The following SERPINB1 variants were observed in gnomAD, a reference collection of about 807,000 sequenced individuals.
SERPINB1 encodes leukocyte elastase inhibitor.
SERPINB1 carries 23 observed loss-of-function variants against 25.9 expected under a neutral mutation model. The observed-to-expected ratio is 0.89, with a 90% CI of 0.64 to 1.26. SERPINB1 has a LOEUF of 1.26. Among genes scored for constraint, SERPINB1 ranks in the 50% most tolerant of loss-of-function variants. The pLI is 0.00. For missense variants in SERPINB1, 399 were observed against 463.6 expected (o/e 0.86, Z 1.28); for synonymous variants, 178 against 178.7 (o/e 1.00, Z 0.03).
chr6:2,833,494 A>T lies in SERPINB1; in HGVS notation c.*114T>A. On this transcript the variant is annotated 3_prime_UTR_variant, in exon 7 of 7. Coordinates refer to ENST00000380739, the MANE Select transcript of SERPINB1 (RefSeq NM_030666.4). ...GCCAAACTTACAAAGAAAATGAAAG[A>T]CTTGTTTCTGAACAGTGGTTTTATT... 9.8e-7 allele frequency: 1 copy of T among 1,020,984 alleles called. No homozygotes were observed. The highest frequency in any genetic ancestry group is 1.4e-6 in the Non-Finnish European group (1 of 735,124). 63.2% of individuals were successfully genotyped at this position (1,020,984 alleles called of 1,614,324 possible).
rs1260980294 is a variant in SERPINB1, at chr6:2,833,949, T to C, written c.799A>G (p.Ile267Val). The change falls in exon 7 of 7, where the codon ATT becomes GTT. Residue 267 changes from isoleucine to valine, a missense_variant. Physicochemically the swap from Ile to Val is conservative, Grantham distance 29. Coordinates refer to ENST00000380739, the MANE Select transcript of SERPINB1 (RefSeq NM_030666.4). ...EWTKPENLDF[I>V]EVNVSLPRFK... Reference sequence around the variant, plus strand: ...CTGGGCAAGCTGACATTAACTTCAATGAAATCGAGATTCTCAGGTTTAGTC... The same window carrying C: ...CTGGGCAAGCTGACATTAACTTCAACGAAATCGAGATTCTCAGGTTTAGTC... The C allele has an allele frequency of 6.2e-7, 1 of 1,613,690 alleles. No individual in the cohort carries two copies. The highest frequency in any genetic ancestry group is 1.3e-5 in the African/African-American group (1 of 74,894).
chr6:2,834,843 C>G (rs954705503), intron 6 of SERPINB1, among the ~76,000 whole-genome samples: 3 of 152,094 alleles, frequency 2.0e-5, no homozygotes, highest in African/African-American at 4.8e-5. Flanking sequence ...TTGTTGAGAG[C>G]ATTAAATGAA....
Position 2,837,894 on chromosome 6 carries a change from C to T in SERPINB1, c.412G>A (p.Gly138Arg), listed in dbSNP as rs1444883922. The change falls in exon 4 of 7, where the codon GGA (glycine) becomes AGA (arginine). Residue 138 changes from glycine to arginine, a missense_variant. By Grantham distance (125) the Gly-to-Arg change is moderately radical. Transcript: ENST00000380739. The surrounding 1 kb of genome is among the most constrained non-coding windows in gnomAD (Gnocchi z 4.3). ...ARKTINQWVKGQTEGKIPELL... is the reference protein window; with the variant it reads ...ARKTINQWVKRQTEGKIPELL... ...CCCAGGCTCTCACCTTCTGTCTGTCCTTTGACCCACTGGTTTATGGTCTTC... is the reference window on the plus strand; with the variant it reads ...CCCAGGCTCTCACCTTCTGTCTGTCTTTTGACCCACTGGTTTATGGTCTTC... The T allele has an allele frequency of 2.5e-6, 4 of 1,612,994 alleles. No homozygotes were observed. The Admixed American group carries it at 5.0e-5, about 20-fold the overall frequency.
intron 3 of SERPINB1, 130 bp from the exon 4 acceptor site, chr6:2,838,129 C>CTCT: frequency 3.1e-6 from 2 of 644,852 alleles, no homozygotes; most frequent in South Asian, 4.2e-5. Flanking sequence ...AAATTTCTAA[C>CTCT]TCTTATAGTT....
rs746571131 is a variant in SERPINB1 at position 2,833,661 on chromosome 6, G to C, written c.1087C>G (p.Arg363Gly). ...AGGATGCTACCTGAGGAATTATGCC[G>C]AATAAAGAAAAGGAATGGATGGTCG... is the stretch of plus-strand genomic sequence containing the variant. Reference protein sequence around the residue: ...TADHPFLFFIRHNSSGSILFL... With the variant: ...TADHPFLFFIGHNSSGSILFL... Residue 363 changes from arginine (R) to glycine (G), a missense_variant, in exon 7 of 7, where the codon CGG becomes GGG. Arg to Gly is a moderately radical substitution (Grantham distance 125). Coordinates refer to ENST00000380739, the MANE Select transcript of SERPINB1 (RefSeq NM_030666.4). The C allele has an allele frequency of 6.2e-7, 1 of 1,614,110 alleles. No homozygotes were observed. The highest frequency in any genetic ancestry group is 1.1e-5 in the South Asian group (1 of 91,082).
Position 2,833,719 on chromosome 6 carries a change from G to C in SERPINB1, c.1029C>G (p.Phe343Leu). Reference protein sequence around the residue: ...AAAATAGIATFCMLMPEENFT... With the variant: ...AAAATAGIATLCMLMPEENFT... ...AATTTTCTTCGGGCATCAACATGCA[G>C]AAAGTTGCGATGCCTGCTGTGGCAG... Residue 343 changes from phenylalanine to leucine, a missense_variant, in exon 7 of 7, where the codon TTC becomes TTG. By Grantham distance (22) the Phe-to-Leu change is conservative (BLOSUM62 0). Coordinates refer to ENST00000380739, the MANE Select transcript of SERPINB1 (RefSeq NM_030666.4). 1 of 1,614,228 alleles carries C rather than the reference G, an allele frequency of 6.2e-7. No homozygotes were observed. Among genetic ancestry groups the C allele is most frequent in the Non-Finnish European group, 8.5e-7 (1 of 1,180,042 alleles).
chr6:2,838,247 T>C (rs1446660777), intron 3 of SERPINB1, among the ~76,000 whole-genome samples: 3 of 152,224 alleles, frequency 2.0e-5, no homozygotes, highest in African/African-American at 4.8e-5. Context: ...TGTTGTTATA[T>C]AGAAATTACC....
At chr6:2,835,207 G>A (rs929176678) in intron 6 of SERPINB1, among the ~76,000 whole-genome samples, 8 of 152,192 alleles carry the variant, frequency 5.3e-5, no homozygotes, top group Admixed American at 3.9e-4. Flanking sequence ...GAAACCTCAT[G>A]CAAAGATCAT....
Position 2,837,377 on chromosome 6 carries a change from C to T in SERPINB1, c.424+505G>A, listed in dbSNP as rs903582271. Among the ~76,000 whole-genome samples, 7 of 152,000 alleles carry T rather than the reference C, an allele frequency of 4.6e-5. No individual in the cohort carries two copies. The highest frequency in any genetic ancestry group is 1.7e-4 in the African/African-American group (7 of 41,364). On this transcript the variant is annotated intron_variant, in intron 4 of 6. Transcript: ENST00000380739. This position sits in a 1 kb window ranked among gnomAD's most constrained non-coding sequence, Gnocchi z 4.3. The stretch of plus-strand genomic sequence containing the variant: ...CACTGTAACCTTTACCTCCTGTGTT[C>T]GAGAGATTCTCCTGCCTCAGCCTCC...
At chr6:2,838,961 C>T (rs567313734) in intron 2 of SERPINB1, among the ~76,000 whole-genome samples, 6 of 152,044 alleles carry the variant, frequency 3.9e-5, no homozygotes, top group Non-Finnish European at 8.8e-5. Context: ...GGTTAAGATA[C>T]TAAATATTTA....
chr6:2,837,826 G>A lies in SERPINB1; in HGVS notation c.424+56C>T. ...TAACTGCAGGTAGGGAAGGCGGACT[G>A]AGGAAACGAATGACATGACCAGCGC... On this transcript the variant is annotated intron_variant, in intron 4 of 6. Coordinates refer to ENST00000380739, the MANE Select transcript of SERPINB1 (RefSeq NM_030666.4). The surrounding 1 kb of genome is among the most constrained non-coding windows in gnomAD (Gnocchi z 4.3). 1 of 1,309,966 alleles carries A rather than the reference G, an allele frequency of 7.6e-7. No homozygotes were observed. The highest frequency in any genetic ancestry group is 1.1e-6 in the Non-Finnish European group (1 of 904,476). The allele number at this position is 1,309,966 out of a possible 1,614,324, so 81.1% of individuals were successfully genotyped here.
Position 2,833,732 on chromosome 6 carries a change from C to A in SERPINB1, c.1016G>T (p.Gly339Val), listed in dbSNP as rs943415925. ...EGTEAAAATA[G>V]IATFCMLMPE... ...CATCAACATGCAGAAAGTTGCGATG[C>A]CTGCTGTGGCAGCTGCCGCCTCTGT... is the stretch of plus-strand genomic sequence containing the variant. The change falls in exon 7 of 7, where the codon GGC becomes GTC. Residue 339 changes from glycine (G) to valine (V), a missense_variant. Gly to Val is a moderately radical substitution (Grantham distance 109). Transcript: ENST00000380739. 8 of 1,614,146 alleles carry A rather than the reference C, an allele frequency of 5.0e-6. No homozygotes were observed. Among genetic ancestry groups the A allele is most frequent in the Middle Eastern group, 1.6e-4 (1 of 6,062 alleles).
chr6:2,834,957 C>T (rs1766443207), intron 6 of SERPINB1, among the ~76,000 whole-genome samples: 1 of 152,190 alleles, frequency 6.6e-6, no homozygotes, highest in South Asian at 2.1e-4. Flanking sequence ...CACTCTACTT[C>T]TTCTAATGGT....
At chr6:2,834,547 AC>A (rs1766432631) in intron 6 of SERPINB1, among the ~76,000 whole-genome samples, 1 of 152,096 alleles carries the variant, frequency 6.6e-6, no homozygotes, top group Non-Finnish European at 1.5e-5. Flanking sequence ...CCACCCATCC[AC>A]CCATCCATCT....
chr6:2,838,822 T>C lies in SERPINB1; in HGVS notation c.169-136A>G, dbSNP rs564782051. The C allele has an allele frequency of 1.1e-3, 780 of 689,498 alleles. 1 individual carries two copies. Among genetic ancestry groups the C allele is most frequent in the Non-Finnish European group, 1.5e-3 (699 of 478,866 alleles). 42.7% of individuals were successfully genotyped at this position (689,498 alleles called of 1,614,324 possible). ...TGATGATCCCAAACCCAATACTTTATTAATTTGTCATTGCAGAACAAACAA... is the reference window on the plus strand; with the variant it reads ...TGATGATCCCAAACCCAATACTTTACTAATTTGTCATTGCAGAACAAACAA... On this transcript the variant is annotated intron_variant, in intron 2 of 6. Coordinates refer to ENST00000380739, the MANE Select transcript of SERPINB1 (RefSeq NM_030666.4).
Position 2,838,541 on chromosome 6 carries a change from G to C in SERPINB1, c.306+8C>G, listed in dbSNP as rs371060463. The C allele has an allele frequency of 6.3e-7, 1 of 1,590,518 alleles. No individual in the cohort carries two copies. The highest frequency in any genetic ancestry group is 1.2e-5 in the South Asian group (1 of 86,948). On this transcript the variant is annotated splice_region_variant and intron_variant, in intron 3 of 6. Coordinates refer to ENST00000380739, the MANE Select transcript of SERPINB1 (RefSeq NM_030666.4). ...GGGGTTTTAGAATGTGAAGGGCAAA[G>C]TACTTACAGGAAGGAAATTGTAAGT...
chr6:2,836,252 T>A lies in SERPINB1; in HGVS notation c.425-2A>T. On this transcript the variant is annotated splice_acceptor_variant, in intron 4 of 6. Transcript: ENST00000380739. LOFTEE classifies it high-confidence loss of function. Reference sequence around the variant, plus strand: ...AAGCCAACAGTTCCGGAATTTTTCCTAAAAAAAAATCAAGTTAGCGTAAAA... The same window carrying A: ...AAGCCAACAGTTCCGGAATTTTTCCAAAAAAAAAATCAAGTTAGCGTAAAA... 6.4e-7 allele frequency: 1 copy of A among 1,574,174 alleles called. No homozygotes were observed. The highest frequency in any genetic ancestry group is 8.6e-7 in the Non-Finnish European group (1 of 1,163,994).
At chr6:2,839,842 T>G (rs546778672) in intron 2 of SERPINB1, among the ~76,000 whole-genome samples, 1 of 152,052 alleles carries the variant, frequency 6.6e-6, no homozygotes, top group South Asian at 2.1e-4. Context: ...GCTGCGGGTC[T>G]CCCCCTCACC....
chr6:2,840,447 C>T lies in SERPINB1; in HGVS notation c.140G>A (p.Arg47Lys). 6.2e-7 allele frequency: 1 copy of T among 1,614,134 alleles called. No homozygotes were observed. Among genetic ancestry groups the T allele is most frequent in the Non-Finnish European group, 8.5e-7 (1 of 1,180,020 alleles). Residue 47 changes from arginine to lysine, a missense_variant, in exon 2 of 7, where the codon AGA becomes AAA. Physicochemically the swap from Arg to Lys is conservative, Grantham distance 26. Coordinates refer to ENST00000380739, the MANE Select transcript of SERPINB1 (RefSeq NM_030666.4). ...SAMAMVFLGTRGNTAAQLSKT... is the reference protein window; with the variant it reads ...SAMAMVFLGTKGNTAAQLSKT... ...GGACAGCTGTGCTGCCGTGTTACCTCTGGTCCCCAGAAAAACCATGGCCAT... is the reference window on the plus strand; with the variant it reads ...GGACAGCTGTGCTGCCGTGTTACCTTTGGTCCCCAGAAAAACCATGGCCAT...
Sources: gnomAD v4.1 joint callset for allele counts (sites outside exome capture counted in the v4.1 genomes callset) on GRCh38, gnomAD v4.1.1 for gene constraint, Gnocchi (gnomAD v3.1) non-coding constraint, MANE v1.5 for transcripts, NCBI Gene and HGNC (gene_info 2026-07-23, HGNC 2026-07-21) for gene names.